Variants in DOCK8 observed in about 807,000 individuals in gnomAD.
The protein encoded by DOCK8 is dedicator of cytokinesis 8.
DOCK8 carries 141 observed loss-of-function variants against 245.6 expected under a neutral mutation model. That is an observed-to-expected ratio of 0.57 (90% confidence interval 0.50 to 0.66). The LOEUF (loss-of-function observed/expected upper bound fraction) is 0.66, where lower values mean the gene tolerates loss of function less well. Among genes scored for constraint, DOCK8 ranks in the 30% least tolerant of loss-of-function variants. The probability of loss-of-function intolerance (pLI) is 0.00; values close to 1 mark genes in which losing one functional copy is unlikely to be tolerated. For missense variants in DOCK8, 2,965 were observed against 2,603.4 expected (o/e 1.14, Z -3.02); for synonymous variants, 1,168 against 970.2 (o/e 1.20, Z -3.79).
At chr9:325,457 A>G (rs924678017) in intron 7 of DOCK8, among the ~76,000 whole-genome samples, 3 of 152,226 alleles carry the variant, frequency 2.0e-5, no homozygotes, top group African/African-American at 7.2e-5. Context: ...ATGCTTTTGT[A>G]ATGTCCACCA....
At chr9:420,343 A>T (rs761490859) in intron 30 of DOCK8, 58 bp from the exon 31 acceptor site, 5 of 1,602,134 alleles carry the variant, frequency 3.1e-6, no homozygotes, top group Non-Finnish European at 4.3e-6. Context: ...TAAGCCTCAA[A>T]TTTTTCTGTT....
chr9:404,701 C>G (rs1369959220), intron 26 of DOCK8, among the ~76,000 whole-genome samples: 5 of 152,170 alleles, frequency 3.3e-5, no homozygotes, highest in African/African-American at 1.2e-4. Context: ...TCATTCTGGA[C>G]AGCTACTAGG....
At chr9:364,668 G>A (rs113589951) in intron 14 of DOCK8, among the ~76,000 whole-genome samples, 3,439 of 147,944 alleles carry the variant, frequency 0.023, 132 homozygotes, top group African/African-American at 0.081. Context: ...AAGGTTTAAT[G>A]TGTAGAAGGG....
At position 323,997 on chromosome 9, in the gene DOCK8, C is replaced by T. The variant is rs573705681; in HGVS notation, c.828-1674C>T. ...GCATTGTTTTTAAGATACATTCACA[C>T]ACATCATTATACGTGATCCTCACAA... On this transcript the variant is annotated intron_variant, in intron 7 of 47. Transcript: ENST00000432829. Among the ~76,000 whole-genome samples the T allele has an allele frequency of 5.9e-5, 9 of 152,296 alleles. No homozygotes were observed. The South Asian group carries it at 1.7e-3, about 28-fold the overall frequency.
chr9:264,741 C>G (rs1199652275), intron 1 of DOCK8, among the ~76,000 whole-genome samples: 1 of 152,140 alleles, frequency 6.6e-6, no homozygotes, highest in Non-Finnish European at 1.5e-5. Context: ...TTACTAAAAG[C>G]ATCCAAGAAT....
chr9:439,560 A>G (rs1024730776), intron 40 of DOCK8, among the ~76,000 whole-genome samples, 172 bp downstream of exon 40: 8 of 152,212 alleles, frequency 5.3e-5, no homozygotes, highest in Admixed American at 2.0e-4. Context: ...TGCAAATTGC[A>G]TGAGCTTCCC....
chr9:391,821 CTTTT>C (rs373810616), intron 24 of DOCK8, among the ~76,000 whole-genome samples: 88 of 116,266 alleles, frequency 7.6e-4, no homozygotes, highest in South Asian at 4.5e-3. Flanking sequence ...TTAAGTGAAT[CTTTT>C]TTTTTTTTTT....
chr9:370,119 T>C (rs980544853), intron 15 of DOCK8, 111 bp from the exon 16 acceptor site: 7 of 947,722 alleles, frequency 7.4e-6, no homozygotes, highest in Non-Finnish European at 1.0e-5. Context: ...GCACTCTTAA[T>C]TGTACAAAAT....
chr9:347,421 G>A (rs1057222596), intron 14 of DOCK8, among the ~76,000 whole-genome samples: 7 of 152,214 alleles, frequency 4.6e-5, no homozygotes, highest in Admixed American at 1.3e-4. Flanking sequence ...TGGGAGGATC[G>A]CTTGAGCCAG....
chr9:427,129 A>C, intron 34 of DOCK8, 148 bp downstream of exon 34: 1 of 714,652 alleles, frequency 1.4e-6, no homozygotes, highest in South Asian at 1.6e-5. Context: ...TACTATTTAC[A>C]ACAGTGTCTA....
chr9:221,777 G>C (rs887025888), intron 1 of DOCK8, among the ~76,000 whole-genome samples: 1 of 151,102 alleles, frequency 6.6e-6, no homozygotes, highest in African/African-American at 2.4e-5. Flanking sequence ...AGCCGAGATC[G>C]CACCACTGCA....
At chr9:361,195 G>C (rs72703514) in intron 14 of DOCK8, among the ~76,000 whole-genome samples, 9,078 of 152,086 alleles carry the variant, frequency 0.06, 924 homozygotes, top group African/African-American at 0.21. Flanking sequence ...ACAGAGGAAG[G>C]CAGGGGGATG....
intron 6 of DOCK8, among the ~76,000 whole-genome samples, chr9:316,157 G>C (rs2050336487): frequency 6.6e-6 from 1 of 152,224 alleles, no homozygotes. Context: ...TGTTAAGCTT[G>C]CTGTGGGGTA....
chr9:395,180 A>G (rs1217879612), intron 24 of DOCK8, among the ~76,000 whole-genome samples: 2 of 152,150 alleles, frequency 1.3e-5, no homozygotes, highest in Non-Finnish European at 2.9e-5. Flanking sequence ...ATATGAAGCC[A>G]TCTCTGTGTC....
At chr9:442,840 A>T (rs2057135903) in intron 42 of DOCK8, among the ~76,000 whole-genome samples, 1 of 151,166 alleles carries the variant, frequency 6.6e-6, no homozygotes, top group East Asian at 1.9e-4. Context: ...ATGAGTGTAA[A>T]ACTTAAAACA....
intron 5 of DOCK8, among the ~76,000 whole-genome samples, chr9:309,346 G>C (rs2049992761): frequency 6.6e-6 from 1 of 152,110 alleles, no homozygotes; most frequent in Non-Finnish European, 1.5e-5. Flanking sequence ...TTATGATCTA[G>C]TAGAGTAGTA....
intron 26 of DOCK8, among the ~76,000 whole-genome samples, chr9:404,337 C>G (rs1023777708): frequency 4.6e-5 from 7 of 152,018 alleles, no homozygotes; most frequent in African/African-American, 7.2e-5. Context: ...CTTTCTCTTT[C>G]TTCTCCATTT....
At chr9:379,228 G>A (rs2053639355) in intron 20 of DOCK8, among the ~76,000 whole-genome samples, 1 of 152,192 alleles carries the variant, frequency 6.6e-6, no homozygotes. Context: ...GTTCTATGCA[G>A]TAAATCAAAT....
intron 14 of DOCK8, among the ~76,000 whole-genome samples, chr9:344,760 A>G (rs7869892): frequency 0.087 from 13,287 of 152,168 alleles, 853 homozygotes; most frequent in African/African-American, 0.19. Flanking sequence ...GAGTATTATC[A>G]TTTTGGGCCA....
Sources: gnomAD v4.1 joint callset for allele counts (sites outside exome capture counted in the v4.1 genomes callset) on GRCh38, gnomAD v4.1.1 for gene constraint, MANE v1.5 for transcripts, NCBI Gene and HGNC (gene_info 2026-07-23, HGNC 2026-07-21) for gene names.